The following AUTS2 variants were observed in gnomAD, a reference collection of about 807,000 sequenced individuals.
AUTS2 encodes autism susceptibility gene 2 protein.
A neutral mutation model predicts 112.4 loss-of-function variants in AUTS2; 17 were observed. The observed-to-expected ratio is 0.15, with a 90% CI of 0.10 to 0.23. The LOEUF is 0.23. Among genes scored for constraint, AUTS2 ranks in the 10% least tolerant of loss-of-function variants. The pLI is 1.00. For synonymous variants in AUTS2, 751 were observed against 702.7 expected (o/e 1.07, Z -1.09); for missense variants, 1,510 against 1,701.6 (o/e 0.89, Z 1.98).
intron 5 of AUTS2, among the ~76,000 whole-genome samples, chr7:70,587,883 T>G (rs1199306968): frequency 6.6e-6 from 1 of 152,226 alleles, no homozygotes; most frequent in Non-Finnish European, 1.5e-5. Flanking sequence ...ACATTGAAAC[T>G]TGCTCAAAGT....
chr7:70,308,644 T>C (rs1325026964), intron 4 of AUTS2, among the ~76,000 whole-genome samples: 1 of 152,318 alleles, frequency 6.6e-6, no homozygotes, highest in African/African-American at 2.4e-5. Flanking sequence ...TGCAAACCGT[T>C]TAGAACAGTG....
intron 5 of AUTS2, among the ~76,000 whole-genome samples, chr7:70,584,803 G>A (rs1289887968): frequency 2.6e-5 from 4 of 152,264 alleles, no homozygotes; most frequent in African/African-American, 4.8e-5. Flanking sequence ...CACGAAGGGC[G>A]TGTGCTGGGG....
intron 4 of AUTS2, among the ~76,000 whole-genome samples, chr7:70,140,623 T>C (rs748072463): frequency 3.5e-4 from 54 of 152,224 alleles, no homozygotes; most frequent in Non-Finnish European, 1.0e-4. Flanking sequence ...TAAGTACTTA[T>C]ATTTAAGATA....
At chr7:69,918,744 A>T (rs1046992022) in intron 2 of AUTS2, among the ~76,000 whole-genome samples, 5 of 152,234 alleles carry the variant, frequency 3.3e-5, no homozygotes, top group African/African-American at 1.2e-4. Flanking sequence ...TTTTGTTTCC[A>T]TGAGTCAAGG....
At chr7:70,147,883 G>T (rs1212575512) in intron 4 of AUTS2, among the ~76,000 whole-genome samples, 1 of 151,656 alleles carries the variant, frequency 6.6e-6, no homozygotes, top group Non-Finnish European at 1.5e-5. Context: ...TGGTCTTTCT[G>T]TCACCGGCAG....
At chr7:69,645,096 G>C (rs1253798957) in intron 1 of AUTS2, among the ~76,000 whole-genome samples, 1 of 136,738 alleles carries the variant, frequency 7.3e-6, no homozygotes, top group African/African-American at 2.8e-5. Context: ...TTTTTTGGTA[G>C]AGATGAGGTC....
chr7:70,130,300 G>A (rs1806205869), intron 3 of AUTS2, among the ~76,000 whole-genome samples: 1 of 152,186 alleles, frequency 6.6e-6, no homozygotes, highest in South Asian at 2.1e-4. Context: ...GATTTATAAT[G>A]AATGGAGCAC....
At position 70,184,209 on chromosome 7, in the gene AUTS2, A is replaced by G. The variant is rs11769462; in HGVS notation, c.660+49638A>G. On this transcript the variant is annotated intron_variant, in intron 4 of 18. Coordinates refer to ENST00000342771, the MANE Select transcript of AUTS2 (RefSeq NM_015570.4). ...AGAACGTATTAAAATAAGTATAATT[A>G]TGGTGCCTGACCTCAAAAAGAAAAC... Among the ~76,000 whole-genome samples, 1,365 of 152,298 alleles carry G rather than the reference A, an allele frequency of 9.0e-3. 15 individuals are homozygous for G. Among genetic ancestry groups the G allele is most frequent in the Non-Finnish European group, 0.016 (1,058 of 68,026 alleles).
rs542846818 is a variant in AUTS2 at position 70,526,533 on chromosome 7, G to A, written c.690+90752G>A. Among the ~76,000 whole-genome samples the A allele has an allele frequency of 1.2e-4, 19 of 152,280 alleles. No individual in the cohort carries two copies. The East Asian group carries it at 3.3e-3, about 26-fold the overall frequency. ...CTAAAAATACATAAATTAGCCAGGC[G>A]TGGTGGCACATGCCTGTAATCCCAG... On this transcript the variant is annotated intron_variant, in intron 5 of 18. Coordinates refer to ENST00000342771, the MANE Select transcript of AUTS2 (RefSeq NM_015570.4).
intron 5 of AUTS2, among the ~76,000 whole-genome samples, chr7:70,622,269 A>G (rs1482100392): frequency 6.6e-6 from 1 of 151,992 alleles, no homozygotes; most frequent in Non-Finnish European, 1.5e-5. Context: ...TTAAAAATGC[A>G]TCTTTGACTT....
chr7:69,626,599 A>AGGG (rs1793962348), intron 1 of AUTS2, among the ~76,000 whole-genome samples: 1 of 152,184 alleles, frequency 6.6e-6, no homozygotes, highest in Non-Finnish European at 1.5e-5. Context: ...TTATTATATA[A>AGGG]ATCATATGCA....
At chr7:70,593,967 A>T (rs1803074052) in intron 5 of AUTS2, among the ~76,000 whole-genome samples, 1 of 152,210 alleles carries the variant, frequency 6.6e-6, no homozygotes, top group African/African-American at 2.4e-5. Flanking sequence ...ATAGAACATT[A>T]TTCTGCTCAG....
chr7:70,636,490 T>C (rs1805539393), intron 5 of AUTS2, among the ~76,000 whole-genome samples: 1 of 152,182 alleles, frequency 6.6e-6, no homozygotes, highest in Non-Finnish European at 1.5e-5. Context: ...TCAGGAGACC[T>C]GCGTTCAAGT....
intron 5 of AUTS2, among the ~76,000 whole-genome samples, chr7:70,498,384 G>T (rs1160936001): frequency 2.6e-5 from 4 of 152,120 alleles, no homozygotes; most frequent in African/African-American, 7.2e-5. Flanking sequence ...ATCAGTCCTG[G>T]GCTGGTATCA....
intron 2 of AUTS2, among the ~76,000 whole-genome samples, chr7:70,014,089 A>T (rs982286319): frequency 6.6e-6 from 1 of 152,174 alleles, no homozygotes; most frequent in African/African-American, 2.4e-5. Flanking sequence ...ATATAATATC[A>T]CTATAATGAG....
intron 5 of AUTS2, among the ~76,000 whole-genome samples, chr7:70,548,758 A>T (rs1800895537): frequency 6.6e-6 from 1 of 152,150 alleles, no homozygotes; most frequent in Non-Finnish European, 1.5e-5. Context: ...TTTGATCTAT[A>T]TGTCTATCCT....
rs1793806672 is a variant in AUTS2, at chr7:69,876,527, TATATATATATATATA to T, written c.310-22758_310-22744del. Among the ~76,000 whole-genome samples the T allele has an allele frequency of 3.4e-4, 16 of 46,542 alleles. 1 individual carries two copies. In the South Asian group the frequency reaches 7.3e-3, roughly 21 times the overall value. 30.5% of individuals were successfully genotyped at this position (46,542 alleles called of 152,430 possible). On this transcript the variant is annotated intron_variant, in intron 1 of 18. Transcript: ENST00000342771. Reference sequence around the variant, plus strand: ...ATATATATATATATATATATATATATATATATATATATATATATTTTCAGTGTTCATATAACAAAT... The same window carrying T: ...ATATATATATATATATATATATATATTATTTTCAGTGTTCATATAACAAAT...
intron 1 of AUTS2, among the ~76,000 whole-genome samples, chr7:69,668,965 T>C (rs1178899170): frequency 6.6e-6 from 1 of 152,080 alleles, no homozygotes; most frequent in Non-Finnish European, 1.5e-5. Context: ...AGTGATGTGG[T>C]TGGGGTGAGG....
chr7:69,832,600 C>G (rs1279986903), intron 1 of AUTS2, among the ~76,000 whole-genome samples: 1 of 152,198 alleles, frequency 6.6e-6, no homozygotes, highest in African/African-American at 2.4e-5. Context: ...TTGACTCATG[C>G]TGTTCCTTTA....
Sources: allele counts gnomAD v4.1 joint callset (sites outside exome capture counted in the v4.1 genomes callset), GRCh38; gene constraint gnomAD v4.1.1; transcripts MANE v1.5; gene names NCBI Gene and HGNC (gene_info 2026-07-23, HGNC 2026-07-21).